The following SHC4 variants were observed in gnomAD, a reference collection of about 807,000 sequenced individuals.
SHC4 encodes the protein SHC adaptor protein 4, also known as SHC-transforming protein 4.
A neutral mutation model predicts 69.4 loss-of-function variants in SHC4; 41 were observed. That is an observed-to-expected ratio of 0.59 (90% CI 0.46 to 0.77). SHC4 has a LOEUF of 0.77. Among genes scored for constraint, SHC4 ranks in the 30% least tolerant of loss-of-function variants. The pLI is 0.00. For missense variants in SHC4, 777 were observed against 783.8 expected, an observed-to-expected ratio of 0.99 and a Z score of 0.10; for synonymous variants, 318 against 299.3, an observed-to-expected ratio of 1.06 and a Z score of -0.64.
At chr15:48,879,680 T>TA (rs1899902041) in intron 4 of SHC4, 1 of 167,116 alleles carries the variant, frequency 6.0e-6, no homozygotes, top group Non-Finnish European at 1.5e-5. Context: ...TATCAACTTT[T>TA]AAAGGTTTTA....
At chr15:48,917,789 C>CT (rs34479759) in intron 2 of SHC4, among the ~76,000 whole-genome samples, 149,185 of 152,294 alleles carry the variant, frequency 0.98, 73,143 homozygotes, top group Middle Eastern at 1. Context: ...TTCCTCTGCT[C>CT]TATCTGAGTA....
intron 10 of SHC4, among the ~76,000 whole-genome samples, chr15:48,840,341 G>A (rs1344594556): frequency 2.0e-5 from 3 of 152,204 alleles, no homozygotes; most frequent in Admixed American, 6.5e-5. Flanking sequence ...TTTCTGCCAT[G>A]TTTGGTGAGA....
intron 1 of SHC4, among the ~76,000 whole-genome samples, chr15:48,930,259 T>A (rs886705321): frequency 6.6e-6 from 1 of 152,250 alleles, no homozygotes; most frequent in Admixed American, 6.5e-5. Context: ...TGTAAACATA[T>A]TTATTTTTAA....
intron 1 of SHC4, among the ~76,000 whole-genome samples, chr15:48,938,592 T>C (rs2141032248): frequency 6.6e-6 from 1 of 152,326 alleles, no homozygotes; most frequent in African/African-American, 2.4e-5. Flanking sequence ...CGGCCAATGA[T>C]ATCACTGTGG....
intron 2 of SHC4, among the ~76,000 whole-genome samples, chr15:48,915,432 T>C (rs542290800): frequency 3.3e-5 from 5 of 152,180 alleles, no homozygotes; most frequent in Non-Finnish European, 7.3e-5. Flanking sequence ...AAGTGAGATC[T>C]TATATTGGGC....
At position 48,859,453 on chromosome 15, in the gene SHC4, G is replaced by A. The variant is rs17467519; in HGVS notation, c.947-1638C>T. ...ATTGGATCCTGAAATAGACTTAGGA[G>A]CTAATTCCGGTTTTGAAACCCAGTT... On this transcript the variant is annotated intron_variant, in intron 6 of 11. Coordinates refer to ENST00000332408, the MANE Select transcript of SHC4 (RefSeq NM_203349.4). Among the ~76,000 whole-genome samples, 1,053 of 152,088 alleles carry A rather than the reference G, an allele frequency of 6.9e-3. 11 individuals carry two copies. Among genetic ancestry groups the A allele is most frequent in the Non-Finnish European group, 0.012 (792 of 68,008 alleles).
chr15:48,867,647 G>A (rs1386359254), intron 6 of SHC4, among the ~76,000 whole-genome samples, 171 bp downstream of exon 6: 2 of 152,144 alleles, frequency 1.3e-5, no homozygotes, highest in African/African-American at 4.8e-5. Flanking sequence ...TTTCTACTTT[G>A]CTCTGCTAAC....
intron 2 of SHC4, among the ~76,000 whole-genome samples, chr15:48,918,227 C>T (rs1027501331): frequency 7.2e-5 from 11 of 152,182 alleles, no homozygotes; most frequent in Non-Finnish European, 1.3e-4. Flanking sequence ...ACCCAACTCC[C>T]CCATATGTTA....
At chr15:48,923,223 G>A (rs1443955971) in intron 2 of SHC4, among the ~76,000 whole-genome samples, 4 of 152,130 alleles carry the variant, frequency 2.6e-5, no homozygotes, top group Admixed American at 2.0e-4. Flanking sequence ...TCTGTTATAC[G>A]AGAAAAGGAT....
At chr15:48,834,713 G>A in intron 11 of SHC4, 56 bp downstream of exon 11, 1 of 1,593,682 alleles carries the variant, frequency 6.3e-7, no homozygotes, top group South Asian at 1.1e-5. Flanking sequence ...AAATCATTCA[G>A]GGTATGCTTA....
intron 3 of SHC4, among the ~76,000 whole-genome samples, chr15:48,889,705 G>A (rs1900098094): frequency 1.3e-5 from 2 of 152,168 alleles, no homozygotes; most frequent in South Asian, 4.1e-4. Context: ...TTAGCCGGGT[G>A]TGGTGGCGGG....
At chr15:48,868,228 A>C (rs1899600155) in intron 5 of SHC4, among the ~76,000 whole-genome samples, 1 of 152,240 alleles carries the variant, frequency 6.6e-6, no homozygotes, top group Non-Finnish European at 1.5e-5. Context: ...GGGATTATGC[A>C]ATCACAAAAG....
chr15:48,868,415 A>G (rs542419824), intron 5 of SHC4, among the ~76,000 whole-genome samples: 14 of 152,300 alleles, frequency 9.2e-5, no homozygotes, highest in Admixed American at 7.2e-4. Flanking sequence ...TTATTTGATC[A>G]ATATACAGAA....
chr15:48,963,684 T>C lies in SHC4; in HGVS notation c.-669A>G, dbSNP rs1275064674. Among the ~76,000 whole-genome samples, 1 of 152,174 alleles carries C rather than the reference T, an allele frequency of 6.6e-6. No homozygotes were observed. The highest frequency in any genetic ancestry group is 2.4e-5 in the African/African-American group (1 of 41,438). On this transcript the variant is annotated 5_prime_UTR_variant, in exon 1 of 12. Transcript: ENST00000332408. Reference sequence around the variant, plus strand: ...CAGGAGTACTACTGACGGGCGCTGCTCCGCATTGTTTCACTGACTTGTGAT... The same window carrying C: ...CAGGAGTACTACTGACGGGCGCTGCCCCGCATTGTTTCACTGACTTGTGAT...
At chr15:48,884,663 G>T (rs933864715) in intron 3 of SHC4, among the ~76,000 whole-genome samples, 1 of 152,154 alleles carries the variant, frequency 6.6e-6, no homozygotes, top group Non-Finnish European at 1.5e-5. Context: ...ATTCCTGTGA[G>T]AGTTTAGACC....
chr15:48,843,520 C>G lies in SHC4; in HGVS notation c.1372G>C (p.Asp458His). The G allele has an allele frequency of 6.2e-7, 1 of 1,614,134 alleles. No homozygotes were observed. The highest frequency in any genetic ancestry group is 1.1e-5 in the South Asian group (1 of 91,084). The change falls in exon 10 of 12, where the codon GAT (aspartate) becomes CAT (histidine). Residue 458 changes from aspartate (D) to histidine (H), a missense_variant. Transcript: ENST00000332408. ...TSLLKHTCRV[D>H]LFDDPCYINT... ...ATGTAGCAGGGGTCATCAAAGAGAT[C>G]CACTCGGCACGTGTGCTTCAATAAT...
At chr15:48,878,597 C>A in intron 4 of SHC4, 2 of 1,614,084 alleles carry the variant, frequency 1.2e-6, no homozygotes, top group African/African-American at 1.3e-5. Context: ...AACAAGAGAA[C>A]CAGCCCTGGA....
intron 2 of SHC4, among the ~76,000 whole-genome samples, chr15:48,919,212 C>G (rs950360927): frequency 1.3e-5 from 2 of 151,536 alleles, no homozygotes; most frequent in African/African-American, 4.8e-5. Context: ...GCGTTTCCCT[C>G]TCCTGAGTTG....
At position 48,924,282 on chromosome 15, in the gene SHC4, G is replaced by A. The variant is rs143870118; in HGVS notation, c.656+597C>T. On this transcript the variant is annotated intron_variant, in intron 2 of 11. Transcript: ENST00000332408. Reference sequence around the variant, plus strand: ...CAGTCTGCACTCACTCCTTCTTTCCGTCCTTGCTTTGGGCTTAGCTTTAAT... The same window carrying A: ...CAGTCTGCACTCACTCCTTCTTTCCATCCTTGCTTTGGGCTTAGCTTTAAT... Among the ~76,000 whole-genome samples the A allele has an allele frequency of 1.9e-4, 29 of 152,088 alleles. 1 individual carries two copies. Among genetic ancestry groups the A allele is most frequent in the East Asian group, 1.4e-3 (7 of 5,160 alleles).
Sources: allele counts gnomAD v4.1 joint callset (sites outside exome capture counted in the v4.1 genomes callset), GRCh38; gene constraint gnomAD v4.1.1; transcripts MANE v1.5; gene names NCBI Gene and HGNC (gene_info 2026-07-23, HGNC 2026-07-21).